The following DNMT3A variants were observed in gnomAD, a reference collection of about 807,000 sequenced individuals.
DNMT3A encodes DNA (cytosine-5)-methyltransferase 3A.
DNMT3A carries 267 observed loss-of-function variants against 117.6 expected under a neutral mutation model. That is an observed-to-expected ratio of 2.27 (90% confidence interval 2.05 to 2.51). The LOEUF (loss-of-function observed/expected upper bound fraction) is 2.51. Ranked by LOEUF, DNMT3A falls within the 30% of genes most tolerant of loss-of-function variation. DNMT3A has a pLI of 0.00. For missense variants in DNMT3A, 1,029 were observed against 1,260.2 expected (o/e 0.82, Z 2.78); for synonymous variants, 432 against 474.8 (o/e 0.91, Z 1.17).
intron 1 of DNMT3A, among the ~76,000 whole-genome samples, chr2:25,320,637 T>C (rs2034553779): frequency 6.6e-6 from 1 of 151,842 alleles, no homozygotes; most frequent in Admixed American, 6.6e-5. Flanking sequence ...AGGTAATTAT[T>C]AACTTCAGGG....
chr2:25,238,015 C>T (rs1294919770), intron 20 of DNMT3A, among the ~76,000 whole-genome samples: 1 of 152,256 alleles, frequency 6.6e-6, no homozygotes, highest in Non-Finnish European at 1.5e-5. Flanking sequence ...ACTCTTTATG[C>T]GTGCACTGCC....
At position 25,245,305 on chromosome 2, in the gene DNMT3A, T is replaced by C. The variant is rs149738328; in HGVS notation, c.1502A>G (p.Asn501Ser). The C allele has an allele frequency of 3.3e-4, 535 of 1,613,896 alleles. 1 individual carries two copies. The highest frequency in any genetic ancestry group is 3.9e-4 in the Non-Finnish European group (455 of 1,179,952). ...EDICISCGSL[N>S]VTLEHPLFVG... ...GAAGAGGGGGTGTTCCAGGGTAACA[T>C]TGAGGCTCCCACAGGAGATGCAGAT... Residue 501 changes from asparagine (N) to serine (S), a missense_variant, in exon 13 of 23, where the codon AAT (asparagine) becomes AGT (serine). Transcript: ENST00000321117.
Position 25,247,979 on chromosome 2 carries a change from G to A in DNMT3A, c.855+58C>T. 1 of 1,607,290 alleles carries A rather than the reference G, an allele frequency of 6.2e-7. No homozygotes were observed. Among genetic ancestry groups the A allele is most frequent in the East Asian group, 2.2e-5 (1 of 44,814 alleles). On this transcript the variant is annotated intron_variant, in intron 7 of 22. Coordinates refer to ENST00000321117, the MANE Select transcript of DNMT3A (RefSeq NM_022552.5). This position sits in a 1 kb window ranked among gnomAD's most constrained non-coding sequence, Gnocchi z 5.6. ...GAGAGAGGAGAGCAGGACGGGAGGA[G>A]CTGGCAGTGGAAGGCCCCCGGAAAG...
Position 25,245,243 on chromosome 2 carries a change from GTGCTCCTACCT to G in DNMT3A, c.1553_1554+9del. On this transcript the variant is annotated splice_donor_variant and splice_donor_5th_base_variant and coding_sequence_variant and intron_variant, in exon 13 of 23. Coordinates refer to ENST00000321117, the MANE Select transcript of DNMT3A (RefSeq NM_022552.5). LOFTEE classifies it high-confidence loss of function. ...TCAACGGCACCTCTCCTGGGTGGGTGTGCTCCTACCTTGCAGTTTTGGCACATTCCTCCAAC... is the reference window on the plus strand; with the variant it reads ...TCAACGGCACCTCTCCTGGGTGGGTGTGCAGTTTTGGCACATTCCTCCAAC... 1 of 1,613,480 alleles carries G rather than the reference GTGCTCCTACCT, an allele frequency of 6.2e-7. No individual in the cohort carries two copies. The highest frequency in any genetic ancestry group is 8.5e-7 in the Non-Finnish European group (1 of 1,179,782).
chr2:25,310,597 C>T (rs1457487409), intron 2 of DNMT3A, among the ~76,000 whole-genome samples: 1 of 152,112 alleles, frequency 6.6e-6, no homozygotes, highest in Non-Finnish European at 1.5e-5. Context: ...TCCTGGGCTC[C>T]GGGATTATTC....
chr2:25,259,841 C>G (rs2149341688), intron 6 of DNMT3A, among the ~76,000 whole-genome samples: 1 of 152,278 alleles, frequency 6.6e-6, no homozygotes, highest in Admixed American at 6.5e-5. Flanking sequence ...CCAGAGGAGC[C>G]CAGCAGACAG....
intron 6 of DNMT3A, among the ~76,000 whole-genome samples, chr2:25,258,022 C>T (rs1178311842): frequency 6.6e-6 from 1 of 152,200 alleles, no homozygotes; most frequent in Non-Finnish European, 1.5e-5. Flanking sequence ...CTCCTCTGGG[C>T]CTTTCCCACC....
chr2:25,309,414 G>A (rs1280121256), intron 2 of DNMT3A, among the ~76,000 whole-genome samples: 7 of 152,226 alleles, frequency 4.6e-5, no homozygotes, highest in South Asian at 2.1e-4. Context: ...GCCTGTACAC[G>A]CAGGTGGTGT....
rs1228683373 is a variant in DNMT3A, at chr2:25,234,196, T to C, written c.*83A>G. The stretch of plus-strand genomic sequence containing the variant: ...GTGCTGATACTTCTCTCCATCCTCA[T>C]GTTCTTGGTGTTTTATTATGTTTTG... On this transcript the variant is annotated 3_prime_UTR_variant, in exon 23 of 23. Transcript: ENST00000321117. This position sits in a 1 kb window ranked among gnomAD's most constrained non-coding sequence, Gnocchi z 4.5. 24 of 1,526,714 alleles carry C rather than the reference T, an allele frequency of 1.6e-5. No individual in the cohort carries two copies. Among genetic ancestry groups the C allele is most frequent in the Non-Finnish European group, 2.0e-5 (23 of 1,131,188 alleles). The allele number at this position is 1,526,714 out of a possible 1,614,324, so 94.6% of individuals were successfully genotyped here. A position where few individuals can be genotyped will look rare whatever the true frequency, so the allele number is the denominator to read the frequency against.
intron 1 of DNMT3A, among the ~76,000 whole-genome samples, chr2:25,333,226 C>T (rs2035079100): frequency 6.6e-6 from 1 of 152,206 alleles, no homozygotes; most frequent in Non-Finnish European, 1.5e-5. Context: ...GCCCCTGACT[C>T]CCAGCCCAGA....
chr2:25,228,778 T>C lies in DNMT3A; in HGVS notation c.*5501A>G, dbSNP rs1334356701. On this transcript the variant is annotated 3_prime_UTR_variant, in exon 23 of 23. Coordinates refer to ENST00000321117, the MANE Select transcript of DNMT3A (RefSeq NM_022552.5). ...AAGGAATTTCAGCATTTTTGTTGTC[T>C]GTTGAATTCTAGGGCTGTGCAACCA... is the stretch of plus-strand genomic sequence containing the variant. The C allele has an allele frequency of 6.6e-6, 1 of 152,218 alleles. No homozygotes were observed. The highest frequency in any genetic ancestry group is 1.5e-5 in the Non-Finnish European group (1 of 68,042). The allele number at this position is 152,218 out of a possible 1,614,324, so 9.4% of individuals were successfully genotyped here. A position where few individuals can be genotyped will look rare whatever the true frequency, so the allele number is the denominator to read the frequency against.
At chr2:25,309,114 G>A (rs190912520) in intron 2 of DNMT3A, among the ~76,000 whole-genome samples, 25 of 152,300 alleles carry the variant, frequency 1.6e-4, no homozygotes, top group African/African-American at 5.8e-4. Context: ...TGCCCAGCAG[G>A]CCTCACCCAC....
At chr2:25,277,461 C>A (rs112797107) in intron 4 of DNMT3A, among the ~76,000 whole-genome samples, 1 of 152,138 alleles carries the variant, frequency 6.6e-6, no homozygotes, top group Non-Finnish European at 1.5e-5. Context: ...CCCGGCGGAC[C>A]CTGACGCGGC....
chr2:25,259,229 C>A (rs1335623118), intron 6 of DNMT3A, among the ~76,000 whole-genome samples: 1 of 152,232 alleles, frequency 6.6e-6, no homozygotes, highest in Non-Finnish European at 1.5e-5. Context: ...CACTTCCACC[C>A]GCTATCCTGG....
Position 25,247,109 on chromosome 2 carries a change from T to TG in DNMT3A, c.1063dup (p.His355ProfsTer38), listed in dbSNP as rs1274074419. The TG allele has an allele frequency of 6.2e-7, 1 of 1,614,036 alleles. No homozygotes were observed. Among genetic ancestry groups the TG allele is most frequent in the Non-Finnish European group, 8.5e-7 (1 of 1,179,986 alleles). ...GGGCTGCTTGTTGTACGTGGCCTGG[T>TG]GGAACGCACTGCAAAACGAGCTCAG... On this transcript the variant is annotated frameshift_variant, in exon 9 of 23. Transcript: ENST00000321117. LOFTEE classifies it high-confidence loss of function. This position sits in a 1 kb window ranked among gnomAD's most constrained non-coding sequence, Gnocchi z 5.6.
chr2:25,318,030 G>A (rs952343568), intron 1 of DNMT3A, among the ~76,000 whole-genome samples: 3 of 151,792 alleles, frequency 2.0e-5, no homozygotes, highest in African/African-American at 7.3e-5. Flanking sequence ...CCACCGCGCC[G>A]GCCGGGAAGG....
chr2:25,244,299 CG>C lies in DNMT3A; in HGVS notation c.1706del (p.Pro569ArgfsTer82), dbSNP rs1558665525. On this transcript the variant is annotated frameshift_variant, in exon 15 of 23. Coordinates refer to ENST00000321117, the MANE Select transcript of DNMT3A (RefSeq NM_022552.5). LOFTEE classifies it high-confidence loss of function. Reference protein sequence around the residue: ...CVECVDLLVGPGAAQAAIKED... With the variant: ...CVECVDLLVGXGAAQAAIKED... ...CCTTAATGGCTGCCTGGGCAGCCCC[CG>C]GCCCCACCAAGAGGTCCACACACTC... 1.2e-6 allele frequency: 2 copies of C among 1,610,808 alleles called. No homozygotes were observed. The highest frequency in any genetic ancestry group is 8.5e-7 in the Non-Finnish European group (1 of 1,178,852).
Position 25,275,555 on chromosome 2 carries a change from G to C in DNMT3A, c.449-12C>G. The C allele has an allele frequency of 6.4e-7, 1 of 1,568,138 alleles. No individual in the cohort carries two copies. Among genetic ancestry groups the C allele is most frequent in the Non-Finnish European group, 8.6e-7 (1 of 1,164,706 alleles). On this transcript the variant is annotated splice_polypyrimidine_tract_variant and intron_variant, in intron 4 of 22. Coordinates refer to ENST00000321117, the MANE Select transcript of DNMT3A (RefSeq NM_022552.5). The stretch of plus-strand genomic sequence containing the variant: ...CTTCTGTTCTTTGCCTGTGGAGAGG[G>C]AAGAACAAAGGGACCAGTTCGTTGG...
chr2:25,304,488 C>G lies in DNMT3A; in HGVS notation c.73-4245G>C, dbSNP rs573352506. Among the ~76,000 whole-genome samples the G allele has an allele frequency of 6.0e-4, 91 of 152,360 alleles. No individual in the cohort carries two copies. The highest frequency in any genetic ancestry group is 6.8e-3 in the Middle Eastern group (2 of 294). On this transcript the variant is annotated intron_variant, in intron 2 of 22. Transcript: ENST00000321117. This position sits in a 1 kb window ranked among gnomAD's most constrained non-coding sequence, Gnocchi z 4.3. ...GTGCAAATCCCAGCACGCCGCCCAC[C>G]ATATGCAGCGATCCCTCACTATCAC...
Sources: allele counts gnomAD v4.1 joint callset (sites outside exome capture counted in the v4.1 genomes callset), GRCh38; gene constraint gnomAD v4.1.1; non-coding constraint Gnocchi (gnomAD v3.1); transcripts MANE v1.5; gene names NCBI Gene and HGNC (gene_info 2026-07-23, HGNC 2026-07-21).